MMS19: variants seen among roughly 807,000 people sequenced by gnomAD.
MMS19 encodes the protein MMS19 cytosolic iron-sulfur assembly component.
In MMS19, 77 loss-of-function variants were observed where a neutral mutation model predicts 129.8. The ratio of observed to expected loss-of-function variants is 0.59; its 90% CI spans 0.49 to 0.72. MMS19 has a LOEUF of 0.72. Ranked by LOEUF, MMS19 falls within the 30% of genes least tolerant of loss-of-function variation. MMS19 has a pLI of 0.00. For missense variants in MMS19, 1,168 were observed against 1,266.3 expected (o/e 0.92, Z 1.18); for synonymous variants, 491 against 502.8 (o/e 0.98, Z 0.31).
Position 97,480,799 on chromosome 10 carries a change from T to C in MMS19, c.262+143A>G, listed in dbSNP as rs780649451. 11 of 686,180 alleles carry C rather than the reference T, an allele frequency of 1.6e-5. No homozygotes were observed. In the East Asian group the frequency reaches 1.6e-4, roughly 10 times the overall value. 42.5% of individuals were successfully genotyped at this position (686,180 alleles called of 1,614,324 possible). On this transcript the variant is annotated intron_variant, in intron 3 of 30. Coordinates refer to ENST00000438925, the MANE Select transcript of MMS19 (RefSeq NM_022362.5). Reference sequence around the variant, plus strand: ...CAATTCTAATCATCTCTGCCACATATACCAGTGAGGAATGAAGACCTTGAA... The same window carrying C: ...CAATTCTAATCATCTCTGCCACATACACCAGTGAGGAATGAAGACCTTGAA...
At chr10:97,470,715 CT>C in intron 9 of MMS19, 59 bp downstream of exon 9, 1 of 1,075,988 alleles carries the variant, frequency 9.3e-7, no homozygotes. Flanking sequence ...GCTTTTACTG[CT>C]CTTTCTTCAG....
chr10:97,488,720 CA>C (rs1453086162), intron 1 of MMS19, among the ~76,000 whole-genome samples: 1 of 152,122 alleles, frequency 6.6e-6, no homozygotes, highest in East Asian at 1.9e-4. Flanking sequence ...TTTTTTCCCC[CA>C]AATACTTTTG....
chr10:97,481,629 T>C (rs1474275996), intron 2 of MMS19, among the ~76,000 whole-genome samples: 2 of 152,094 alleles, frequency 1.3e-5, no homozygotes, highest in African/African-American at 4.8e-5. Context: ...ATTATTGATA[T>C]AGGAGAAGCT....
chr10:97,469,208 A>G, intron 11 of MMS19, 104 bp from the exon 12 acceptor site: 1 of 1,380,760 alleles, frequency 7.2e-7, no homozygotes, highest in Non-Finnish European at 9.6e-7. Context: ...GAGAACCTCT[A>G]GGACACAGAA....
At position 97,459,676 on chromosome 10, in the gene MMS19, A is replaced by G. The variant is rs1431880447; in HGVS notation, c.2722T>C (p.Leu908=). 6.2e-7 allele frequency: 1 copy of G among 1,612,388 alleles called. No homozygotes were observed. The highest frequency in any genetic ancestry group is 8.5e-7 in the Non-Finnish European group (1 of 1,179,286). Residue 908 remains leucine, a synonymous_variant, in exon 27 of 31, where the codon TTG becomes CTG. Coordinates refer to ENST00000438925, the MANE Select transcript of MMS19 (RefSeq NM_022362.5). The part of the protein sequence containing the change: ...VLNRLPKPVL[L]PELPTLLSLL... ...GGACTTACCGTGGGCAGCTCTGGCAAGAGTACAGGCTTGGGCAGCCTGTTA... is the reference window on the plus strand; with the variant it reads ...GGACTTACCGTGGGCAGCTCTGGCAGGAGTACAGGCTTGGGCAGCCTGTTA...
rs562645745 is a variant in MMS19 at position 97,470,947 on chromosome 10, G to C, written c.685-86C>G. 2.0e-5 allele frequency: 20 copies of C among 1,022,152 alleles called. No homozygotes were observed. The African/African-American group carries it at 3.0e-4, about 15-fold the overall frequency. 63.3% of individuals were successfully genotyped at this position (1,022,152 alleles called of 1,614,324 possible). On this transcript the variant is annotated intron_variant, in intron 8 of 30. Coordinates refer to ENST00000438925, the MANE Select transcript of MMS19 (RefSeq NM_022362.5). ...TCGAACCTGGTAACCCTGCAGAACA[G>C]GGTGATACTCATACCCAATCAGGGA...
rs2133261759 is a variant in MMS19 at position 97,458,665 on chromosome 10, A to C, written c.*27T>G. 1 of 1,594,168 alleles carries C rather than the reference A, an allele frequency of 6.3e-7. No homozygotes were observed. The highest frequency in any genetic ancestry group is 2.3e-5 in the East Asian group (1 of 44,128). ...GTTAGTAATCCCAGGTTAGATTGTC[A>C]GAACAGTCTAGGCCAGGACTGAGGG... is the stretch of plus-strand genomic sequence containing the variant. On this transcript the variant is annotated 3_prime_UTR_variant, in exon 31 of 31. Coordinates refer to ENST00000438925, the MANE Select transcript of MMS19 (RefSeq NM_022362.5).
intron 8 of MMS19, 42 bp downstream of exon 8, chr10:97,476,641 C>T (rs29001286): frequency 1.9e-6 from 3 of 1,595,386 alleles, no homozygotes; most frequent in Non-Finnish European, 2.6e-6. Flanking sequence ...ACATAGCAGA[C>T]ACTCAATAAA....
chr10:97,467,597 A>T lies in MMS19; in HGVS notation c.1219-14T>A. 1 of 1,612,634 alleles carries T rather than the reference A, an allele frequency of 6.2e-7. No individual in the cohort carries two copies. The highest frequency in any genetic ancestry group is 8.5e-7 in the Non-Finnish European group (1 of 1,178,672). Reference sequence around the variant, plus strand: ...CCGCTGGCTGCTCTGTAACGTTTCAAGGGGTACTAGAGTCAAAGAATATTT... The same window carrying T: ...CCGCTGGCTGCTCTGTAACGTTTCATGGGGTACTAGAGTCAAAGAATATTT... On this transcript the variant is annotated splice_polypyrimidine_tract_variant and intron_variant, in intron 13 of 30. Transcript: ENST00000438925.
intron 1 of MMS19, among the ~76,000 whole-genome samples, chr10:97,497,023 G>C (rs2039930502): frequency 6.6e-6 from 1 of 152,192 alleles, no homozygotes; most frequent in African/African-American, 2.4e-5. Context: ...ACATTGGTAA[G>C]ACACTGTACT....
At chr10:97,474,843 C>A (rs1431342358) in intron 8 of MMS19, among the ~76,000 whole-genome samples, 2 of 152,124 alleles carry the variant, frequency 1.3e-5, no homozygotes, top group African/African-American at 2.4e-5. Context: ...TGGACAGTAG[C>A]AGTAAAGGGG....
chr10:97,468,609 A>T (rs1272731024), intron 12 of MMS19, among the ~76,000 whole-genome samples: 1 of 152,040 alleles, frequency 6.6e-6, no homozygotes, highest in Admixed American at 6.6e-5. Context: ...GCCCTTAAGG[A>T]ATGTCATTTG....
At chr10:97,497,861 C>T (rs564412256) in intron 1 of MMS19, among the ~76,000 whole-genome samples, 61 of 152,242 alleles carry the variant, frequency 4.0e-4, no homozygotes, top group Non-Finnish European at 8.2e-4. Context: ...CGGGAGCGGA[C>T]GCTGCGAGGA....
intron 3 of MMS19, 40 bp downstream of exon 3, chr10:97,480,902 C>T (rs1409088115): frequency 7.7e-6 from 11 of 1,433,204 alleles, no homozygotes; most frequent in Admixed American, 1.9e-5. Flanking sequence ...GACCTGGGCT[C>T]AGCAATCCAG....
At chr10:97,465,586 A>G (rs1316130579) in intron 18 of MMS19, among the ~76,000 whole-genome samples, 1 of 152,276 alleles carries the variant, frequency 6.6e-6, no homozygotes, top group Non-Finnish European at 1.5e-5. Flanking sequence ...ATTACAGGCA[A>G]GAGCAGCGGC....
At chr10:97,484,026 G>T in intron 2 of MMS19, 77 bp downstream of exon 2, 1 of 905,518 alleles carries the variant, frequency 1.1e-6, no homozygotes, top group Non-Finnish European at 1.7e-6. Context: ...CTCCAGGAAA[G>T]CAGCAATGCG....
rs2040180319 is a variant in MMS19, at chr10:97,498,276, C to T, written c.109G>A (p.Ala37Thr). 6.4e-7 allele frequency: 1 copy of T among 1,562,470 alleles called. No individual in the cohort carries two copies. Among genetic ancestry groups the T allele is most frequent in the Non-Finnish European group, 8.6e-7 (1 of 1,161,454 alleles). ...CGCGCGGCGCCGTCTGCCGTACCTG[C>T]AGCCACCTGGTCAGCGGGGCCCTCT... ...QQEGPADQVA[A>T]DVKSGNYTVL... Residue 37 changes from alanine to threonine, a missense_variant, in exon 1 of 31, where the codon GCA becomes ACA. Coordinates refer to ENST00000438925, the MANE Select transcript of MMS19 (RefSeq NM_022362.5).
chr10:97,492,666 T>G (rs1263065736), intron 1 of MMS19, among the ~76,000 whole-genome samples: 2 of 149,250 alleles, frequency 1.3e-5, no homozygotes, highest in Non-Finnish European at 3.0e-5. Context: ...CTGGCCAACA[T>G]GATGAAACCC....
intron 1 of MMS19, among the ~76,000 whole-genome samples, chr10:97,492,072 A>G (rs944603514): frequency 2.7e-5 from 4 of 148,696 alleles, no homozygotes; most frequent in Admixed American, 6.8e-5. Flanking sequence ...TGGGAGGCAG[A>G]GTTTGCAATG....
Sources: gnomAD v4.1 joint callset for allele counts (sites outside exome capture counted in the v4.1 genomes callset) on GRCh38, gnomAD v4.1.1 for gene constraint, MANE v1.5 for transcripts, NCBI Gene and HGNC (gene_info 2026-07-23, HGNC 2026-07-21) for gene names.